Variants in LRMDA observed in about 807,000 individuals in gnomAD.
LRMDA encodes leucine-rich melanocyte differentiation-associated protein.
LRMDA carries 18 observed loss-of-function variants against 29.8 expected under a neutral mutation model. The ratio of observed to expected loss-of-function variants is 0.60; its 90% CI spans 0.42 to 0.90. LRMDA has a LOEUF of 0.90. Ranked by LOEUF, LRMDA falls within the 40% of genes least tolerant of loss-of-function variation. The pLI, the probability that LRMDA is intolerant of heterozygous loss-of-function variation, is 0.00. For synonymous variants in LRMDA, 125 were observed against 109.4 expected (o/e 1.14, Z -0.89); for missense variants, 273 against 273.9 (o/e 1.00, Z 0.02).
rs989421824 is a variant in LRMDA at position 76,210,080 on chromosome 10, C to A, written c.517-114321C>A. Among the ~76,000 whole-genome samples the A allele has an allele frequency of 6.6e-5, 10 of 152,318 alleles. No homozygotes were observed. In the East Asian group the frequency reaches 1.9e-3, roughly 29 times the overall value. ...TCTGCCATCCGCACCGGGAATGAGA[C>A]AGGCAGATCCGAGCTTTGGCTTAAT... On this transcript the variant is annotated intron_variant, in intron 5 of 6. Coordinates refer to ENST00000611255, the MANE Select transcript of LRMDA (RefSeq NM_001305581.2).
chr10:75,550,865 T>G (rs1840133534), intron 2 of LRMDA, among the ~76,000 whole-genome samples: 1 of 152,092 alleles, frequency 6.6e-6, no homozygotes, highest in South Asian at 2.1e-4. Flanking sequence ...GTATATATAT[T>G]TAACACAGTT....
intron 2 of LRMDA, among the ~76,000 whole-genome samples, chr10:75,960,155 G>C (rs1382497082): frequency 6.6e-6 from 1 of 152,082 alleles, no homozygotes; most frequent in African/African-American, 2.4e-5. Context: ...CATAATCTTA[G>C]CTATGTGAGT....
chr10:76,044,920 C>CTAGTTTCCCCTCTCTTGT (rs1191139891), intron 3 of LRMDA, among the ~76,000 whole-genome samples: 1 of 152,068 alleles, frequency 6.6e-6, no homozygotes, highest in Non-Finnish European at 1.5e-5. Flanking sequence ...CCCTCTCTTG[C>CTAGTTTCCCCTCTCTTGT]TAGTTTCCCC....
In LRMDA at chr10:75,886,584, C is replaced by T. The variant is rs540388835; in HGVS notation, c.132-149424C>T. 2.6e-5 allele frequency among the ~76,000 whole-genome samples: 4 copies of T among 152,304 alleles called. No individual in the cohort carries two copies. The South Asian group carries it at 6.2e-4, about 24-fold the overall frequency. On this transcript the variant is annotated intron_variant, in intron 2 of 6. Transcript: ENST00000611255. ...GATTTGAGAAGGACTGAACTAGCTA[C>T]ACCCCCTCAGTCAACCAAGTTGAGT...
intron 2 of LRMDA, among the ~76,000 whole-genome samples, chr10:75,778,681 C>T (rs1843343254): frequency 6.6e-6 from 1 of 152,154 alleles, no homozygotes; most frequent in Admixed American, 6.5e-5. Context: ...AATGAACTCT[C>T]ATGAAATATT....
At chr10:76,302,982 A>G (rs1033655321) in intron 5 of LRMDA, among the ~76,000 whole-genome samples, 2 of 152,072 alleles carry the variant, frequency 1.3e-5, no homozygotes, top group African/African-American at 4.8e-5. Context: ...TCTGGTTCCC[A>G]CTCTAACTTT....
At chr10:76,219,241 CA>C (rs1851784109) in intron 5 of LRMDA, among the ~76,000 whole-genome samples, 2 of 152,080 alleles carry the variant, frequency 1.3e-5, no homozygotes, top group Non-Finnish European at 2.9e-5. Flanking sequence ...ATCATAATGA[CA>C]GGATAAAATT....
intron 6 of LRMDA, among the ~76,000 whole-genome samples, chr10:76,544,198 A>G (rs1425899405): frequency 6.6e-6 from 1 of 152,180 alleles, no homozygotes; most frequent in African/African-American, 2.4e-5. Flanking sequence ...GTGTTGCCGA[A>G]TGTGGCTTAG....
intron 2 of LRMDA, among the ~76,000 whole-genome samples, chr10:75,579,530 C>T (rs1840558687): frequency 6.6e-6 from 1 of 152,108 alleles, no homozygotes; most frequent in South Asian, 2.1e-4. Context: ...GAAACTATTC[C>T]AAACAATAGA....
intron 6 of LRMDA, among the ~76,000 whole-genome samples, chr10:76,335,717 G>T (rs1157970474): frequency 1.3e-5 from 2 of 152,130 alleles, no homozygotes; most frequent in African/African-American, 4.8e-5. Context: ...ATTGGCAATT[G>T]GTTGAAAGAG....
chr10:76,371,509 C>T (rs913598320), intron 6 of LRMDA, among the ~76,000 whole-genome samples: 6 of 152,136 alleles, frequency 3.9e-5, no homozygotes, highest in Admixed American at 6.5e-5. Context: ...GAGCCTGCCA[C>T]TCACTCTTTG....
chr10:75,966,203 A>G (rs183682443), intron 2 of LRMDA, among the ~76,000 whole-genome samples: 1 of 152,298 alleles, frequency 6.6e-6, no homozygotes, highest in East Asian at 1.9e-4. Context: ...TGGGATATAT[A>G]TATTCCATGT....
intron 2 of LRMDA, among the ~76,000 whole-genome samples, chr10:75,727,927 G>T (rs2132194658): frequency 1.3e-5 from 2 of 152,258 alleles, no homozygotes; most frequent in South Asian, 4.1e-4. Flanking sequence ...ACTCAAATTT[G>T]CATTCAGGCC....
intron 2 of LRMDA, among the ~76,000 whole-genome samples, chr10:75,784,715 AAAAG>A (rs1274231841): frequency 1.3e-5 from 2 of 152,070 alleles, no homozygotes; most frequent in Non-Finnish European, 2.9e-5. Context: ...AAAAAAAAAA[AAAAG>A]AAACAAAGGT....
At chr10:76,072,633 T>C (rs1396482570) in intron 5 of LRMDA, among the ~76,000 whole-genome samples, 1 of 152,200 alleles carries the variant, frequency 6.6e-6, no homozygotes, top group Non-Finnish European at 1.5e-5. Flanking sequence ...CTTGTCTCTC[T>C]CACCTCTTGA....
chr10:75,630,387 A>G (rs1412577300), intron 2 of LRMDA, among the ~76,000 whole-genome samples: 1 of 152,250 alleles, frequency 6.6e-6, no homozygotes, highest in African/African-American at 2.4e-5. Context: ...GGGCAATGCA[A>G]ATACCAAGAT....
chr10:75,682,234 C>T (rs1445937231), intron 2 of LRMDA, among the ~76,000 whole-genome samples: 1 of 152,208 alleles, frequency 6.6e-6, no homozygotes, highest in East Asian at 1.9e-4. Flanking sequence ...AAGATAGCAT[C>T]CTGTTTTCTC....
In LRMDA at chr10:75,736,116, A is replaced by G. The variant is rs564001835; in HGVS notation, c.131+297622A>G. Among the ~76,000 whole-genome samples, 26 of 152,322 alleles carry G rather than the reference A, an allele frequency of 1.7e-4. No individual in the cohort carries two copies. In the South Asian group the frequency reaches 4.4e-3, roughly 25 times the overall value. On this transcript the variant is annotated intron_variant, in intron 2 of 6. Coordinates refer to ENST00000611255, the MANE Select transcript of LRMDA (RefSeq NM_001305581.2). ...GCAGAACATTTGGCACTTTGCACCA[A>G]TATTATGGTGTAAAATTATAGTTAG...
At chr10:76,342,039 T>A (rs776319837) in intron 6 of LRMDA, among the ~76,000 whole-genome samples, 7 of 152,146 alleles carry the variant, frequency 4.6e-5, no homozygotes, top group African/African-American at 1.2e-4. Flanking sequence ...CCAGAAGTAT[T>A]GCTCTGACTG....
Sources: gnomAD v4.1 joint callset for allele counts (sites outside exome capture counted in the v4.1 genomes callset) on GRCh38, gnomAD v4.1.1 for gene constraint, MANE v1.5 for transcripts, NCBI Gene and HGNC (gene_info 2026-07-23, HGNC 2026-07-21) for gene names.